Variants in GRIA4 observed in about 807,000 individuals in gnomAD.
The protein encoded by GRIA4 is glutamate receptor 4.
In GRIA4, 34 loss-of-function variants were observed where a neutral mutation model predicts 104.0. The observed-to-expected ratio is 0.33, with a 90% confidence interval of 0.25 to 0.44. GRIA4 has a LOEUF of 0.44. Among genes scored for constraint, GRIA4 ranks in the 20% least tolerant of loss-of-function variants. The pLI is 1.00. For missense variants in GRIA4, 750 were observed against 1,096.5 expected, an observed-to-expected ratio of 0.68 and a Z score of 4.46; for synonymous variants, 386 against 381.9, an observed-to-expected ratio of 1.01 and a Z score of -0.13.
chr11:105,830,670 T>C (rs1210020667), intron 4 of GRIA4, among the ~76,000 whole-genome samples: 2 of 152,026 alleles, frequency 1.3e-5, no homozygotes, highest in African/African-American at 2.4e-5. Context: ...ATGGATTCTA[T>C]TCCTCACTTG....
intron 5 of GRIA4, among the ~76,000 whole-genome samples, chr11:105,887,206 A>G (rs538234572): frequency 1.3e-5 from 2 of 152,196 alleles, no homozygotes; most frequent in African/African-American, 4.8e-5. Flanking sequence ...TTCAGTTTCT[A>G]TGTTGATGTA....
At chr11:105,903,059 G>A (rs1252775598) in intron 7 of GRIA4, among the ~76,000 whole-genome samples, 2 of 151,962 alleles carry the variant, frequency 1.3e-5, no homozygotes, top group African/African-American at 2.4e-5. Flanking sequence ...CTCAGAGGTG[G>A]GGGGAGCTCA....
At chr11:105,792,684 G>A (rs555895235) in intron 4 of GRIA4, among the ~76,000 whole-genome samples, 12 of 152,076 alleles carry the variant, frequency 7.9e-5, no homozygotes, top group Middle Eastern at 3.4e-3. Context: ...AAAAGGAATG[G>A]CGGTTATACA....
chr11:105,911,980 T>C, intron 10 of GRIA4: 3 of 1,468,842 alleles, frequency 2.0e-6, no homozygotes, highest in Non-Finnish European at 2.7e-6. Flanking sequence ...TCCAGTGTAG[T>C]AAATTTAAGC....
At position 105,700,897 on chromosome 11, in the gene GRIA4, CT is replaced by C. The variant is rs1181711299; in HGVS notation, c.248-52081del. ...AAACTCCAAATCTATATTGACTTTTCTTTCTCATTGATATAAAGTCAAATTC... is the reference window on the plus strand; with the variant it reads ...AAACTCCAAATCTATATTGACTTTTCTTCTCATTGATATAAAGTCAAATTC... On this transcript the variant is annotated intron_variant, in intron 3 of 16. Transcript: ENST00000282499. 3.9e-5 allele frequency among the ~76,000 whole-genome samples: 6 copies of C among 152,084 alleles called. No homozygotes were observed. The South Asian group carries it at 1.2e-3, about 32-fold the overall frequency.
chr11:105,831,222 C>T (rs73554231), intron 4 of GRIA4, among the ~76,000 whole-genome samples: 191 of 152,050 alleles, frequency 1.3e-3, no homozygotes, highest in African/African-American at 4.4e-3. Flanking sequence ...GGTCTATTAA[C>T]CAATATTCCT....
intron 3 of GRIA4, among the ~76,000 whole-genome samples, chr11:105,623,026 T>C (rs1950789617): frequency 6.7e-6 from 1 of 148,726 alleles, no homozygotes; most frequent in Non-Finnish European, 1.5e-5. Context: ...AATTTCATTC[T>C]TTTTTATGGC....
intron 5 of GRIA4, among the ~76,000 whole-genome samples, chr11:105,869,006 T>C (rs1488240159): frequency 6.6e-6 from 1 of 152,122 alleles, no homozygotes; most frequent in Non-Finnish European, 1.5e-5. Flanking sequence ...GTTGTTTTCA[T>C]GGAAAACAGA....
chr11:105,772,724 C>T (rs1266633178), intron 4 of GRIA4, among the ~76,000 whole-genome samples: 1 of 151,944 alleles, frequency 6.6e-6, no homozygotes, highest in East Asian at 1.9e-4. Context: ...GTTTGTGTCC[C>T]TATTAACAAT....
In GRIA4 at chr11:105,924,680, C is replaced by A; in HGVS notation, c.1758C>A (p.Ser586Arg). 6.2e-7 allele frequency: 1 copy of A among 1,612,582 alleles called. No individual in the cohort carries two copies. Among genetic ancestry groups the A allele is most frequent in the East Asian group, 2.2e-5 (1 of 44,814 alleles). Residue 586 changes from serine to arginine, a missense_variant, in exon 12 of 17, where the codon AGC becomes AGA. By Grantham distance (110) the Ser-to-Arg change is moderately radical. Transcript: ENST00000282499. ...CAGAGGACGGAAAGGAAGGACCCAG[C>A]GACCAGCCTCCCAATGAGTTTGGCA... ...EEPEDGKEGP[S>R]DQPPNEFGIF...
At chr11:105,833,071 C>A (rs1221597603) in intron 4 of GRIA4, among the ~76,000 whole-genome samples, 4 of 151,824 alleles carry the variant, frequency 2.6e-5, no homozygotes, top group African/African-American at 9.7e-5. Context: ...TTTGGCAAAC[C>A]CCTTTTTCAG....
At chr11:105,973,326 T>G (rs1858792155) in intron 15 of GRIA4, among the ~76,000 whole-genome samples, 1 of 152,128 alleles carries the variant, frequency 6.6e-6, no homozygotes, top group Non-Finnish European at 1.5e-5. Flanking sequence ...ACCAAAATAC[T>G]TCTTGCAATA....
At chr11:105,725,615 A>G (rs1938148173) in intron 3 of GRIA4, among the ~76,000 whole-genome samples, 2 of 152,202 alleles carry the variant, frequency 1.3e-5, no homozygotes, top group South Asian at 4.1e-4. Flanking sequence ...AGATGGCTGA[A>G]TAGGAACAGC....
intron 3 of GRIA4, among the ~76,000 whole-genome samples, chr11:105,750,230 G>A (rs947491821): frequency 1.3e-5 from 2 of 151,928 alleles, no homozygotes; most frequent in African/African-American, 2.4e-5. Flanking sequence ...ACTGCCCAAG[G>A]TATCATACTA....
intron 4 of GRIA4, among the ~76,000 whole-genome samples, chr11:105,794,128 T>C (rs1012275329): frequency 3.9e-4 from 59 of 152,082 alleles, no homozygotes; most frequent in African/African-American, 1.4e-3. Context: ...TTAAGGGTAA[T>C]GACAATCACT....
chr11:105,931,068 TGAAA>T (rs1194837225), intron 13 of GRIA4, among the ~76,000 whole-genome samples: 3 of 152,096 alleles, frequency 2.0e-5, no homozygotes, highest in African/African-American at 7.2e-5. Context: ...ACTTGTAAAA[TGAAA>T]GAGTTTGTTC....
chr11:105,921,526 TCTCTTTCTAGA>T (rs1410842655), intron 11 of GRIA4, among the ~76,000 whole-genome samples: 1 of 152,122 alleles, frequency 6.6e-6, no homozygotes, highest in Admixed American at 6.5e-5. Context: ...TCTCTACTAG[TCTCTTTCTAGA>T]CTCTCACCTA....
intron 4 of GRIA4, among the ~76,000 whole-genome samples, chr11:105,835,687 TA>T (rs1306286233): frequency 6.6e-6 from 1 of 152,110 alleles, no homozygotes; most frequent in African/African-American, 2.4e-5. Flanking sequence ...TAAACTACAT[TA>T]TTTTTCATGG....
intron 3 of GRIA4, among the ~76,000 whole-genome samples, chr11:105,624,400 C>T (rs1249569039): frequency 6.6e-6 from 1 of 152,012 alleles, no homozygotes; most frequent in Non-Finnish European, 1.5e-5. Flanking sequence ...CAGGAGAATC[C>T]CATCTGTTCA....
Sources: gnomAD v4.1 joint callset for allele counts (sites outside exome capture counted in the v4.1 genomes callset) on GRCh38, gnomAD v4.1.1 for gene constraint, MANE v1.5 for transcripts, NCBI Gene and HGNC (gene_info 2026-07-23, HGNC 2026-07-21) for gene names.